Variants in TAF1 observed in about 807,000 individuals in gnomAD.
TAF1 encodes transcription initiation factor TFIID subunit 1.
TAF1 carries 2 observed loss-of-function variants against 138.5 expected under a neutral mutation model. The ratio of observed to expected loss-of-function variants is 0.01; its 90% CI spans 0.01 to 0.05. The LOEUF (loss-of-function observed/expected upper bound fraction) is 0.05, where lower values mean the gene tolerates loss of function less well. Among genes scored for constraint, TAF1 ranks in the 10% least tolerant of loss-of-function variants. The pLI, the probability that TAF1 is intolerant of heterozygous loss-of-function variation, is 1.00. For synonymous variants in TAF1, 437 were observed against 503.2 expected, an observed-to-expected ratio of 0.87 and a Z score of 1.76; for missense variants, 709 against 1,478.0, an observed-to-expected ratio of 0.48 and a Z score of 8.53.
intron 7 of TAF1, 126 bp from the exon 8 acceptor site, chrX:71,378,698 T>A (rs1037249335): frequency 1.3e-6 from 1 of 767,239 alleles, no homozygotes; most frequent in African/African-American, 2.1e-5. Context: ...TCCTCCGTTA[T>A]CAGGTGGTTG....
intron 23 of TAF1, among the ~76,000 whole-genome samples, chrX:71,397,779 G>A (rs768239485): frequency 9.0e-6 from 1 of 111,192 alleles, no homozygotes; most frequent in South Asian, 3.8e-4. Flanking sequence ...CACGGCACCT[G>A]GCCTGATTCA....
intron 13 of TAF1, among the ~76,000 whole-genome samples, chrX:71,384,623 T>A (rs1829009501): frequency 9.0e-6 from 1 of 110,870 alleles, no homozygotes; most frequent in Non-Finnish European, 1.9e-5. Context: ...TTGGCCAGGA[T>A]GGTCTCGATC....
chrX:71,376,615 T>C (rs2148218383), intron 4 of TAF1, among the ~76,000 whole-genome samples: 1 of 107,727 alleles, frequency 9.3e-6, no homozygotes, highest in South Asian at 4.1e-4. Flanking sequence ...TTCAGTGAGC[T>C]AAGATCTCAC....
At chrX:71,375,766 G>T (rs1030241693) in intron 4 of TAF1, among the ~76,000 whole-genome samples, 1 of 112,288 alleles carries the variant, frequency 8.9e-6, no homozygotes, top group Non-Finnish European at 1.9e-5. Context: ...CAGAGTAGGG[G>T]CTGGAACTCC....
rs757268630 is a variant in TAF1 at position 71,379,938 on chromosome X, T to C, written c.1360+907T>C. Among the ~76,000 whole-genome samples, 7 of 111,438 alleles carry C rather than the reference T, an allele frequency of 6.3e-5. No individual in the cohort carries two copies. The East Asian group carries it at 1.1e-3, about 18-fold the overall frequency. ...ATCTTTCTGAACTATAACAGTACTT[T>C]ATAGTATATTTTTGTTCCCAAGTCC... On this transcript the variant is annotated intron_variant, in intron 8 of 37. Transcript: ENST00000423759.
intron 13 of TAF1, among the ~76,000 whole-genome samples, chrX:71,489,035 C>A (rs1033598437): frequency 1.9e-5 from 2 of 107,089 alleles, no homozygotes; most frequent in African/African-American, 6.8e-5. Context: ...CCACTGCACT[C>A]CAGCCTGAGC....
At chrX:71,474,900 T>C (rs1356741209) in intron 13 of TAF1, among the ~76,000 whole-genome samples, 1 of 111,392 alleles carries the variant, frequency 9.0e-6, no homozygotes, top group Non-Finnish European at 1.9e-5. Flanking sequence ...GATCAAAGGC[T>C]CTGAGGCAAA....
chrX:71,452,078 C>T (rs1457437072), intron 32 of TAF1, among the ~76,000 whole-genome samples: 2 of 105,480 alleles, frequency 1.9e-5, no homozygotes, highest in East Asian at 6.3e-4. Context: ...CCTCACCTCC[C>T]GGACGGGGCG....
intron 13 of TAF1, among the ~76,000 whole-genome samples, chrX:71,483,436 T>TC (rs1227242578): frequency 5.6e-5 from 6 of 106,634 alleles, no homozygotes; most frequent in Non-Finnish European, 1.2e-4. Context: ...TTTTTTTTTT[T>TC]CCCTTTGAAA....
intron 25 of TAF1, among the ~76,000 whole-genome samples, chrX:71,403,647 C>T (rs747658052): frequency 2.7e-5 from 3 of 111,181 alleles, no homozygotes; most frequent in Non-Finnish European, 5.6e-5. Context: ...GTTTTAGCAT[C>T]GGTTGATGAC....
At chrX:71,453,511 G>A (rs191479466) in intron 32 of TAF1, among the ~76,000 whole-genome samples, 56 of 108,532 alleles carry the variant, frequency 5.2e-4, no homozygotes, top group African/African-American at 1.8e-3. Context: ...GTGACGGAGC[G>A]AAACTCTGTC....
Position 71,465,317 on chromosome X carries a change from G to A in TAF1, c.*1271G>A, listed in dbSNP as rs1458112407. ...TAAGAAGCTAGTTATAAAGTATAGG[G>A]GAAATAGAGGAGTAATCATGTCTGA... On this transcript the variant is annotated 3_prime_UTR_variant, in exon 38 of 38. Coordinates refer to ENST00000423759, the MANE Select transcript of TAF1 (RefSeq NM_004606.5). The A allele has an allele frequency of 8.9e-6, 1 of 111,926 alleles. No homozygotes were observed. The highest frequency in any genetic ancestry group is 3.2e-5 in the African/African-American group (1 of 30,826). The allele number at this position is 111,926 out of a possible 1,213,427, so 9.2% of individuals were successfully genotyped here.
intron 32 of TAF1, among the ~76,000 whole-genome samples, chrX:71,428,517 T>C (rs1218975039): frequency 5.4e-5 from 6 of 111,872 alleles, no homozygotes; most frequent in Admixed American, 9.5e-5. Flanking sequence ...AAAATAAGAA[T>C]AATAGTACCC....
Position 71,372,970 on chromosome X carries a change from C to T in TAF1, c.353-2197C>T, listed in dbSNP as rs915375951. Among the ~76,000 whole-genome samples the T allele has an allele frequency of 3.7e-5, 4 of 108,609 alleles. No individual in the cohort carries two copies. The East Asian group carries it at 8.7e-4, about 24-fold the overall frequency. 94.3% of individuals were successfully genotyped at this position (108,609 alleles called of 115,157 possible). On this transcript the variant is annotated intron_variant, in intron 3 of 37. Coordinates refer to ENST00000423759, the MANE Select transcript of TAF1 (RefSeq NM_004606.5). ...CAAGCTCCGCCTCCCAGGTTTACGCCATTATCCGGCCTCAGTCTCCGGAGT... is the reference window on the plus strand; with the variant it reads ...CAAGCTCCGCCTCCCAGGTTTACGCTATTATCCGGCCTCAGTCTCCGGAGT...
intron 13 of TAF1, among the ~76,000 whole-genome samples, chrX:71,510,405 G>A (rs1334280391): frequency 2.7e-5 from 3 of 111,318 alleles, no homozygotes; most frequent in Non-Finnish European, 5.7e-5. Context: ...TCCTCACAAG[G>A]TCACAAGGGA....
At chrX:71,418,012 A>G (rs1442692002) in intron 28 of TAF1, among the ~76,000 whole-genome samples, 1 of 112,417 alleles carries the variant, frequency 8.9e-6, no homozygotes, top group Non-Finnish European at 1.9e-5. Context: ...TATTTCATCC[A>G]TAAATACTTA....
chrX:71,483,682 G>A (rs997454051), intron 13 of TAF1, among the ~76,000 whole-genome samples: 54 of 102,580 alleles, frequency 5.3e-4, no homozygotes, highest in African/African-American at 1.7e-3. Flanking sequence ...GGGAAACCTC[G>A]GATAAAGGGG....
intron 28 of TAF1, among the ~76,000 whole-genome samples, chrX:71,408,873 G>T (rs1347996662): frequency 3.6e-5 from 4 of 110,579 alleles, no homozygotes; most frequent in Non-Finnish European, 7.6e-5. Context: ...AGTTATCTGG[G>T]CGTAGTGGCG....
intron 13 of TAF1, among the ~76,000 whole-genome samples, chrX:71,483,776 C>CTA (rs1292946317): frequency 0.014 from 885 of 63,327 alleles, 4 homozygotes; most frequent in East Asian, 0.031. Flanking sequence ...CTCTCTCTCT[C>CTA]TCTCTATATA....
Sources: gnomAD v4.1 joint callset for allele counts (sites outside exome capture counted in the v4.1 genomes callset) on GRCh38, gnomAD v4.1.1 for gene constraint, MANE v1.5 for transcripts, NCBI Gene and HGNC (gene_info 2026-07-23, HGNC 2026-07-21) for gene names.